PDZRN3: variants seen among roughly 807,000 people sequenced by gnomAD.
PDZRN3 encodes PDZ domain containing ring finger 3, also known as E3 ubiquitin-protein ligase PDZRN3.
PDZRN3 carries 38 observed loss-of-function variants against 85.7 expected under a neutral mutation model. That is an observed-to-expected ratio of 0.44 (90% CI 0.34 to 0.58). The LOEUF (loss-of-function observed/expected upper bound fraction) is 0.58, where lower values mean the gene tolerates loss of function less well. Ranked by LOEUF, PDZRN3 falls within the 20% of genes least tolerant of loss-of-function variation. The probability of loss-of-function intolerance (pLI) is 0.01; values close to 1 mark genes in which losing one functional copy is unlikely to be tolerated. For synonymous variants in PDZRN3, 759 were observed against 638.0 expected, an observed-to-expected ratio of 1.19 and a Z score of -2.86; for missense variants, 1,629 against 1,506.4, an observed-to-expected ratio of 1.08 and a Z score of -1.35.
chr3:73,413,805 T>G (rs577705948), intron 3 of PDZRN3, among the ~76,000 whole-genome samples: 1 of 152,080 alleles, frequency 6.6e-6, no homozygotes, highest in Non-Finnish European at 1.5e-5. Context: ...GAAGGATACT[T>G]GCCAAAGGAG....
chr3:73,407,217 G>C (rs139171627), intron 3 of PDZRN3, among the ~76,000 whole-genome samples: 1 of 152,332 alleles, frequency 6.6e-6, no homozygotes, highest in Non-Finnish European at 1.5e-5. Flanking sequence ...TAGGACATGA[G>C]ATAGGAAAGG....
chr3:73,464,950 T>A (rs1235775638), intron 3 of PDZRN3, among the ~76,000 whole-genome samples: 1 of 152,356 alleles, frequency 6.6e-6, no homozygotes, highest in East Asian at 1.9e-4. Context: ...GTACAATAGA[T>A]CTCTTGAACT....
intron 1 of PDZRN3, among the ~76,000 whole-genome samples, chr3:73,621,214 C>T (rs926617292): frequency 3.9e-5 from 6 of 152,192 alleles, no homozygotes; most frequent in African/African-American, 9.6e-5. Flanking sequence ...GAAGAGACAA[C>T]GTCTATGCTG....
intron 3 of PDZRN3, among the ~76,000 whole-genome samples, chr3:73,557,985 G>T (rs980318236): frequency 1.1e-4 from 16 of 152,058 alleles, no homozygotes; most frequent in African/African-American, 3.6e-4. Context: ...TTGGGGTATA[G>T]AATTTCACTT....
Position 73,382,937 on chromosome 3 carries a change from A to G in PDZRN3, c.*428T>C, listed in dbSNP as rs1703271826. On this transcript the variant is annotated 3_prime_UTR_variant, in exon 10 of 10. Coordinates refer to ENST00000263666, the MANE Select transcript of PDZRN3 (RefSeq NM_015009.3). ...TATGAAACACATTCAGTAACGTACC[A>G]TTATAAAATAGGGTTCCATTAAAAA... The G allele has an allele frequency of 6.2e-6, 1 of 162,388 alleles. No homozygotes were observed. The highest frequency in any genetic ancestry group is 2.4e-5 in the African/African-American group (1 of 41,542). 10.1% of individuals were successfully genotyped at this position (162,388 alleles called of 1,614,324 possible).
At chr3:73,620,298 T>C (rs1361305421) in intron 1 of PDZRN3, among the ~76,000 whole-genome samples, 2 of 152,168 alleles carry the variant, frequency 1.3e-5, no homozygotes, top group Non-Finnish European at 2.9e-5. Flanking sequence ...GTATCGAGGA[T>C]GTATCTCAAG....
chr3:73,489,358 G>A (rs1703725531), intron 3 of PDZRN3, among the ~76,000 whole-genome samples: 1 of 152,068 alleles, frequency 6.6e-6, no homozygotes, highest in Non-Finnish European at 1.5e-5. Context: ...ACTGGTCCCT[G>A]CAAATTATGT....
At chr3:73,414,825 T>C (rs1260492608) in intron 3 of PDZRN3, among the ~76,000 whole-genome samples, 2 of 152,234 alleles carry the variant, frequency 1.3e-5, no homozygotes, top group African/African-American at 4.8e-5. Context: ...AGACAGCATT[T>C]AAAAATAATT....
intron 3 of PDZRN3, among the ~76,000 whole-genome samples, chr3:73,585,848 T>C (rs1024432757): frequency 3.9e-5 from 6 of 152,152 alleles, no homozygotes; most frequent in African/African-American, 1.4e-4. Flanking sequence ...AGGTGACCAA[T>C]GTTAAATATT....
At chr3:73,620,204 G>A (rs945157370) in intron 1 of PDZRN3, among the ~76,000 whole-genome samples, 4 of 152,210 alleles carry the variant, frequency 2.6e-5, no homozygotes, top group African/African-American at 9.7e-5. Context: ...GAGCTGGAGA[G>A]CTGTGAATAG....
intron 3 of PDZRN3, among the ~76,000 whole-genome samples, chr3:73,413,602 T>C (rs1200397203): frequency 6.6e-6 from 1 of 152,138 alleles, no homozygotes; most frequent in African/African-American, 2.4e-5. Context: ...TCTGCCTGGC[T>C]TCGAAATGCG....
intron 3 of PDZRN3, among the ~76,000 whole-genome samples, chr3:73,423,864 GTT>G (rs1702252175): frequency 1.3e-5 from 2 of 152,056 alleles, no homozygotes; most frequent in South Asian, 4.1e-4. Context: ...TGTCAAATAA[GTT>G]TTAAAATTTC....
intron 3 of PDZRN3, among the ~76,000 whole-genome samples, chr3:73,588,637 G>A (rs1482531311): frequency 6.6e-6 from 1 of 152,162 alleles, no homozygotes; most frequent in East Asian, 1.9e-4. Context: ...GTTTTCAGCT[G>A]TCTAGCTTAA....
intron 3 of PDZRN3, among the ~76,000 whole-genome samples, chr3:73,580,994 C>T (rs1357934100): frequency 6.6e-6 from 1 of 152,212 alleles, no homozygotes; most frequent in Non-Finnish European, 1.5e-5. Flanking sequence ...AAGCAACCAG[C>T]AACAGATTTT....
intron 3 of PDZRN3, among the ~76,000 whole-genome samples, chr3:73,577,797 G>C (rs915997209): frequency 7.2e-5 from 11 of 152,208 alleles, no homozygotes; most frequent in Non-Finnish European, 1.5e-5. Flanking sequence ...TACTAGCCCA[G>C]TTACTGCCCT....
rs372707159 is a variant in PDZRN3 at position 73,452,155 on chromosome 3, C to T, written c.919-47760G>A. ...TTCCCATGTGAAGAGGACAAATGAC[C>T]TCCTGGCTACAGACTGACTCCTTTA... On this transcript the variant is annotated intron_variant, in intron 3 of 9. Transcript: ENST00000263666. 3.9e-5 allele frequency among the ~76,000 whole-genome samples: 6 copies of T among 152,264 alleles called. No individual in the cohort carries two copies. The East Asian group carries it at 7.7e-4, about 20-fold the overall frequency.
At chr3:73,537,550 G>A (rs939030459) in intron 3 of PDZRN3, among the ~76,000 whole-genome samples, 4 of 152,154 alleles carry the variant, frequency 2.6e-5, no homozygotes, top group African/African-American at 9.7e-5. Context: ...TCTATGGAAT[G>A]TTCTGAAATT....
At chr3:73,424,367 CA>C (rs66466551) in intron 3 of PDZRN3, among the ~76,000 whole-genome samples, 5,412 of 54,564 alleles carry the variant, frequency 0.099, 152 homozygotes, top group African/African-American at 0.19. Flanking sequence ...CCGTCTCTAC[CA>C]AAAAAAAAAA....
chr3:73,611,820 T>C (rs1258744331), intron 1 of PDZRN3, among the ~76,000 whole-genome samples: 1 of 152,226 alleles, frequency 6.6e-6, no homozygotes, highest in African/African-American at 2.4e-5. Context: ...AGTCTTCATA[T>C]AAAACATTTA....
Sources: gnomAD v4.1 joint callset for allele counts (sites outside exome capture counted in the v4.1 genomes callset) on GRCh38, gnomAD v4.1.1 for gene constraint, MANE v1.5 for transcripts, NCBI Gene and HGNC (gene_info 2026-07-23, HGNC 2026-07-21) for gene names.